GLP1R: variants seen among roughly 807,000 people sequenced by gnomAD.
GLP1R encodes glucagon like peptide 1 receptor, also known as glucagon-like peptide 1 receptor.
A neutral mutation model predicts 68.4 loss-of-function variants in GLP1R; 32 were observed. The ratio of observed to expected loss-of-function variants is 0.47; its 90% CI spans 0.35 to 0.63. The LOEUF is 0.63. GLP1R is among the 20% of genes least tolerant of loss of function. The probability of loss-of-function intolerance (pLI) is 0.00; values close to 1 mark genes in which losing one functional copy is unlikely to be tolerated. For synonymous variants in GLP1R, 263 were observed against 244.4 expected, an observed-to-expected ratio of 1.08 and a Z score of -0.71; for missense variants, 502 against 594.9, an observed-to-expected ratio of 0.84 and a Z score of 1.62.
intron 7 of GLP1R, among the ~76,000 whole-genome samples, chr6:39,074,012 C>A (rs1278902714): frequency 6.6e-6 from 1 of 152,222 alleles, no homozygotes; most frequent in Non-Finnish European, 1.5e-5. Flanking sequence ...TGGCCAAACA[C>A]CACCCTCTAC....
chr6:39,059,357 T>C (rs1446155738), intron 3 of GLP1R, among the ~76,000 whole-genome samples: 1 of 152,200 alleles, frequency 6.6e-6, no homozygotes, highest in African/African-American at 2.4e-5. Flanking sequence ...TTAGAGTCAG[T>C]GTGGCTAATT....
At chr6:39,069,832 T>C (rs918985423) in intron 5 of GLP1R, among the ~76,000 whole-genome samples, 7 of 152,190 alleles carry the variant, frequency 4.6e-5, no homozygotes, top group African/African-American at 1.7e-4. Flanking sequence ...TCTATCTTAG[T>C]CTGTGCCTGC....
intron 3 of GLP1R, among the ~76,000 whole-genome samples, chr6:39,059,040 A>G (rs1040046891): frequency 2.0e-5 from 3 of 152,190 alleles, no homozygotes; most frequent in African/African-American, 7.2e-5. Context: ...AAGTCAGATG[A>G]GGCCCAGGCT....
chr6:39,051,757 C>A (rs957516199), intron 1 of GLP1R, among the ~76,000 whole-genome samples: 5 of 151,942 alleles, frequency 3.3e-5, no homozygotes, highest in Non-Finnish European at 7.4e-5. Context: ...TGTGAGTGAC[C>A]CTGTGTGTAA....
intron 1 of GLP1R, among the ~76,000 whole-genome samples, chr6:39,050,425 T>A (rs899299673): frequency 6.6e-6 from 1 of 152,162 alleles, no homozygotes; most frequent in Non-Finnish European, 1.5e-5. Context: ...CTGTGAGCTG[T>A]CTTCCCAGAG....
Position 39,091,129 on chromosome 6 carries a change from T to A in GLP1R, c.*5056T>A, listed in dbSNP as rs1026373650. 2.0e-5 allele frequency among the ~76,000 whole-genome samples: 3 copies of A among 152,288 alleles called. No homozygotes were observed. In the East Asian group the frequency reaches 5.8e-4, roughly 29 times the overall value. Reference sequence around the variant, plus strand: ...TTGGGGGATGTTTGCTCCTCATGAGTGTTTAAACAAGATCATTTCCAGGTG... The same window carrying A: ...TTGGGGGATGTTTGCTCCTCATGAGAGTTTAAACAAGATCATTTCCAGGTG... On this transcript the variant is annotated 3_prime_UTR_variant, in exon 13 of 13. Coordinates refer to ENST00000373256, the MANE Select transcript of GLP1R (RefSeq NM_002062.5).
At chr6:39,051,178 G>A (rs1768079416) in intron 1 of GLP1R, among the ~76,000 whole-genome samples, 1 of 152,054 alleles carries the variant, frequency 6.6e-6, no homozygotes, top group Non-Finnish European at 1.5e-5. Context: ...TCAAATATAG[G>A]GTCTGCTATT....
intron 3 of GLP1R, 64 bp from the exon 4 acceptor site, chr6:39,065,647 A>C: frequency 1.0e-6 from 1 of 975,866 alleles, no homozygotes; most frequent in Non-Finnish European, 1.6e-6. Flanking sequence ...GAAGGGGAGC[A>C]TCTAGCACTG....
chr6:39,056,234 G>A (rs1333025980), intron 1 of GLP1R, among the ~76,000 whole-genome samples, 163 bp from the exon 2 acceptor site: 2 of 152,176 alleles, frequency 1.3e-5, no homozygotes, highest in Non-Finnish European at 1.5e-5. Flanking sequence ...GCCCCTGGGT[G>A]GCAGTGACTT....
chr6:39,075,013 A>G (rs1481713707), intron 7 of GLP1R, among the ~76,000 whole-genome samples: 1 of 152,148 alleles, frequency 6.6e-6, no homozygotes, highest in East Asian at 1.9e-4. Flanking sequence ...ACCAAGGCCC[A>G]GAGCTGGCAG....
intron 3 of GLP1R, among the ~76,000 whole-genome samples, chr6:39,059,962 C>T (rs1001064595): frequency 1.3e-5 from 2 of 152,210 alleles, no homozygotes; most frequent in African/African-American, 4.8e-5. Context: ...GGCCACTGCA[C>T]AGGCCCCCTG....
At position 39,078,943 on chromosome 6, in the gene GLP1R, C is replaced by A. The variant is rs1402077912; in HGVS notation, c.885-14C>A. 1 of 1,611,686 alleles carries A rather than the reference C, an allele frequency of 6.2e-7. No individual in the cohort carries two copies. Among genetic ancestry groups the A allele is most frequent in the African/African-American group, 1.3e-5 (1 of 74,846 alleles). On this transcript the variant is annotated splice_polypyrimidine_tract_variant and intron_variant, in intron 8 of 12. Transcript: ENST00000373256. ...TCCTGCTGGATGCATGTGTGCATCT[C>A]TCTCCCTCCCCAGCTGCTGGACCAG...
intron 7 of GLP1R, among the ~76,000 whole-genome samples, chr6:39,076,440 G>A (rs141892949): frequency 8.0e-4 from 122 of 152,210 alleles, no homozygotes; most frequent in Middle Eastern, 3.4e-3. Context: ...CCAGGAGAGA[G>A]AGAGCTGATG....
chr6:39,068,703 G>A (rs902438123), intron 5 of GLP1R, among the ~76,000 whole-genome samples: 7 of 152,218 alleles, frequency 4.6e-5, no homozygotes, highest in Non-Finnish European at 8.8e-5. Flanking sequence ...CGCAGCTAGG[G>A]TAGCCAAGGA....
At chr6:39,051,050 G>C (rs1303388755) in intron 1 of GLP1R, among the ~76,000 whole-genome samples, 1 of 152,100 alleles carries the variant, frequency 6.6e-6, no homozygotes. Flanking sequence ...ATTGCTGCTG[G>C]GAAGGCTCAT....
Position 39,091,031 on chromosome 6 carries a change from C to T in GLP1R, c.*4958C>T, listed in dbSNP as rs1018871841. The stretch of plus-strand genomic sequence containing the variant: ...GGTTCTGGAGGGATTTGATGCAAAC[C>T]TTTAAATGCACCAACAGAGAGGTAA... On this transcript the variant is annotated 3_prime_UTR_variant, in exon 13 of 13. Transcript: ENST00000373256. 6.6e-6 allele frequency among the ~76,000 whole-genome samples: 1 copy of T among 152,148 alleles called. No homozygotes were observed. Among genetic ancestry groups the T allele is most frequent in the East Asian group, 1.9e-4 (1 of 5,184 alleles).
chr6:39,065,900 C>A, intron 4 of GLP1R, 71 bp downstream of exon 4: 2 of 929,624 alleles, frequency 2.2e-6, no homozygotes, highest in Middle Eastern at 4.3e-4. Flanking sequence ...GGAGCAAAGA[C>A]CCTTGGCTTT....
intron 1 of GLP1R, among the ~76,000 whole-genome samples, chr6:39,055,952 C>G (rs1286931439): frequency 6.6e-6 from 1 of 152,194 alleles, no homozygotes; most frequent in Non-Finnish European, 1.5e-5. Flanking sequence ...CTCTCCCACT[C>G]TGGCCTGTGT....
rs935266291 is a variant in GLP1R at position 39,089,712 on chromosome 6, G to C, written c.*3639G>C. 6.6e-6 allele frequency among the ~76,000 whole-genome samples: 1 copy of C among 152,108 alleles called. No individual in the cohort carries two copies. Among genetic ancestry groups the C allele is most frequent in the East Asian group, 1.9e-4 (1 of 5,186 alleles). ...TGATGACTCCAGAATCATCACACCC[G>C]CTGTGCAGGTCATAGGACCGCACAC... On this transcript the variant is annotated 3_prime_UTR_variant, in exon 13 of 13. Coordinates refer to ENST00000373256, the MANE Select transcript of GLP1R (RefSeq NM_002062.5). This position sits in a 1 kb window ranked among gnomAD's most constrained non-coding sequence, Gnocchi z 4.1.
Sources: allele counts gnomAD v4.1 joint callset (sites outside exome capture counted in the v4.1 genomes callset), GRCh38; gene constraint gnomAD v4.1.1; non-coding constraint Gnocchi (gnomAD v3.1); transcripts MANE v1.5; gene names NCBI Gene and HGNC (gene_info 2026-07-23, HGNC 2026-07-21).